PDE1A: variants seen among roughly 807,000 people sequenced by gnomAD.
PDE1A encodes phosphodiesterase 1A, also known as dual specificity calcium/calmodulin-dependent 3',5'-cyclic nucleotide phosphodiesterase 1A.
Under a neutral mutation model 61.7 loss-of-function variants are expected in PDE1A, and 35 were observed. The ratio of observed to expected loss-of-function variants is 0.57; its 90% CI spans 0.43 to 0.75. The LOEUF is 0.75. PDE1A is among the 30% of genes least tolerant of loss of function. PDE1A has a pLI of 0.00. For missense variants in PDE1A, 597 were observed against 630.6 expected, an observed-to-expected ratio of 0.95 and a Z score of 0.57; for synonymous variants, 232 against 213.2, an observed-to-expected ratio of 1.09 and a Z score of -0.77.
chr2:182,536,648 A>G, the PDE1A span, among the ~76,000 whole-genome samples: 1 of 152,198 alleles, frequency 6.6e-6, no homozygotes, highest in East Asian at 1.9e-4. Flanking sequence ...CATGGATAAT[A>G]TATTTATATA....
At chr2:182,285,304 C>A (rs1306857109) in intron 1 of PDE1A, among the ~76,000 whole-genome samples, 3 of 152,068 alleles carry the variant, frequency 2.0e-5, no homozygotes, top group African/African-American at 4.8e-5. Context: ...TATTTTTGTT[C>A]AAGCAATAAA....
chr2:182,371,481 G>A (rs1483396328), intron 1 of PDE1A, among the ~76,000 whole-genome samples: 2 of 152,196 alleles, frequency 1.3e-5, no homozygotes, highest in African/African-American at 2.4e-5. Flanking sequence ...GCAATGAAAA[G>A]CTCCCAATAA....
rs1011079826 is a variant in PDE1A, at chr2:182,399,927, G to T, written c.53+26651C>A. On this transcript the variant is annotated intron_variant, in intron 1 of 13. Transcript: ENST00000351439. ...CTGATGTTTTTATTCCTGCATGAAA[G>T]ACTTCTAAAACAGGATTGCTAGTCT... 3.3e-5 allele frequency among the ~76,000 whole-genome samples: 5 copies of T among 152,170 alleles called. No homozygotes were observed. The South Asian group carries it at 1.0e-3, about 31-fold the overall frequency.
At chr2:182,362,939 A>G (rs1023855942) in intron 1 of PDE1A, among the ~76,000 whole-genome samples, 1 of 152,062 alleles carries the variant, frequency 6.6e-6, no homozygotes, top group Non-Finnish European at 1.5e-5. Context: ...CCTGGAGACC[A>G]TTATCCTTAG....
intron 2 of PDE1A, among the ~76,000 whole-genome samples, chr2:182,475,035 A>C (rs1687264804): frequency 2.0e-5 from 3 of 151,932 alleles, no homozygotes; most frequent in African/African-American, 7.2e-5. Context: ...GCACTTTTAG[A>C]GGTAGCTCTC....
the PDE1A span, among the ~76,000 whole-genome samples, chr2:182,678,302 A>T: frequency 1.3e-5 from 2 of 152,174 alleles, no homozygotes; most frequent in African/African-American, 4.8e-5. Flanking sequence ...GGGCGCCTGT[A>T]ATCCCAGCTA....
chr2:182,144,084 A>T (rs565109860), downstream of PDE1A, among the ~76,000 whole-genome samples: 1 of 152,180 alleles, frequency 6.6e-6, no homozygotes, highest in Non-Finnish European at 1.5e-5. Flanking sequence ...ATTCCAAAAG[A>T]TATTTTAAAT....
At chr2:182,519,570 ATAT>A (rs1559537194) in intron 2 of PDE1A, among the ~76,000 whole-genome samples, 1 of 151,962 alleles carries the variant, frequency 6.6e-6, no homozygotes, top group Non-Finnish European at 1.5e-5. Context: ...GGTGTCTCAA[ATAT>A]TATATGAAGA....
intron 1 of PDE1A, among the ~76,000 whole-genome samples, chr2:182,390,598 C>T (rs1701364381): frequency 6.6e-6 from 1 of 152,154 alleles, no homozygotes; most frequent in Admixed American, 6.5e-5. Flanking sequence ...CTGAGTGAGT[C>T]TTACCTCCTA....
intron 2 of PDE1A, among the ~76,000 whole-genome samples, chr2:182,254,649 G>A (rs560898383): frequency 1.6e-4 from 24 of 151,954 alleles, no homozygotes; most frequent in Non-Finnish European, 2.6e-4. Context: ...TATCTTCCAC[G>A]TGAAAAAAAC....
intron 13 of PDE1A, among the ~76,000 whole-genome samples, chr2:182,172,728 G>A (rs1223636002): frequency 1.3e-5 from 2 of 152,092 alleles, no homozygotes; most frequent in Non-Finnish European, 2.9e-5. Context: ...TCTTGGAGAA[G>A]ATGGCATTTT....
At chr2:182,355,829 T>C (rs1382345307) in intron 1 of PDE1A, among the ~76,000 whole-genome samples, 1 of 152,194 alleles carries the variant, frequency 6.6e-6, no homozygotes, top group Non-Finnish European at 1.5e-5. Flanking sequence ...ACACATTTAA[T>C]GAAATTTTAG....
At chr2:182,664,066 G>A in the PDE1A span, among the ~76,000 whole-genome samples, 1 of 151,982 alleles carries the variant, frequency 6.6e-6, no homozygotes, top group East Asian at 1.9e-4. Flanking sequence ...GGCAAAAATT[G>A]GAAAAAGTAG....
intron 2 of PDE1A, among the ~76,000 whole-genome samples, chr2:182,505,819 A>T (rs1255847874): frequency 6.6e-6 from 1 of 152,226 alleles, no homozygotes; most frequent in Non-Finnish European, 1.5e-5. Flanking sequence ...TGGATACAGG[A>T]AGTCATGAAT....
At chr2:182,186,961 C>T (rs1196375550) in intron 11 of PDE1A, among the ~76,000 whole-genome samples, 4 of 152,190 alleles carry the variant, frequency 2.6e-5, no homozygotes, top group African/African-American at 2.4e-5. Flanking sequence ...TTTGAAAGCA[C>T]ATCATGTGCA....
chr2:182,430,884 A>G (rs1458115619), upstream of PDE1A, among the ~76,000 whole-genome samples: 5 of 116,348 alleles, frequency 4.3e-5, no homozygotes, highest in Non-Finnish European at 8.8e-5. Context: ...GCATATTCTC[A>G]CTCATAGGTG....
At chr2:182,531,191 T>C in the PDE1A span, among the ~76,000 whole-genome samples, 7 of 151,502 alleles carry the variant, frequency 4.6e-5, no homozygotes, top group African/African-American at 1.7e-4. Context: ...AGTGCTCAAG[T>C]AACCGATAGG....
chr2:182,665,202 C>T, the PDE1A span, among the ~76,000 whole-genome samples: 1 of 151,908 alleles, frequency 6.6e-6, no homozygotes, highest in Non-Finnish European at 1.5e-5. Context: ...AATGTACATG[C>T]TTACAAAAAC....
At chr2:182,275,183 G>A (rs138662538) in intron 1 of PDE1A, among the ~76,000 whole-genome samples, 1 of 152,168 alleles carries the variant, frequency 6.6e-6, no homozygotes, top group Non-Finnish European at 1.5e-5. Context: ...CAGTGGCTTT[G>A]GGAGTTCCTG....
Sources: gnomAD v4.1 joint callset for allele counts (sites outside exome capture counted in the v4.1 genomes callset) on GRCh38, gnomAD v4.1.1 for gene constraint, MANE v1.5 for transcripts, NCBI Gene and HGNC (gene_info 2026-07-23, HGNC 2026-07-21) for gene names.